CDC42EP4: variants seen among roughly 807,000 people sequenced by gnomAD.
The protein encoded by CDC42EP4 is CDC42 effector protein (Rho GTPase binding) 4.
CDC42EP4 carries 6 observed loss-of-function variants against 5.6 expected under a neutral mutation model. The observed-to-expected ratio is 1.07, with a 90% CI of 0.59 to 2.12. The LOEUF (loss-of-function observed/expected upper bound fraction) is 2.12. Among genes scored for constraint, CDC42EP4 ranks in the 30% most tolerant of loss-of-function variants. CDC42EP4 has a pLI of 0.00. For synonymous variants in CDC42EP4, 230 were observed against 224.2 expected (o/e 1.03, Z -0.23); for missense variants, 490 against 508.6 (o/e 0.96, Z 0.35).
At chr17:73,301,484 G>T (rs573382728) in intron 1 of CDC42EP4, among the ~76,000 whole-genome samples, 2 of 152,276 alleles carry the variant, frequency 1.3e-5, no homozygotes, top group East Asian at 3.9e-4. Flanking sequence ...GGATTGAATG[G>T]CTAGGTTGTT....
chr17:73,305,815 A>G (rs542106228), intron 1 of CDC42EP4, among the ~76,000 whole-genome samples: 38 of 152,338 alleles, frequency 2.5e-4, no homozygotes, highest in South Asian at 1.0e-3. Context: ...ACCTGAGAGC[A>G]CCTAATTCAA....
At chr17:73,305,060 C>A (rs1286213238) in intron 1 of CDC42EP4, among the ~76,000 whole-genome samples, 1 of 152,110 alleles carries the variant, frequency 6.6e-6, no homozygotes, top group Non-Finnish European at 1.5e-5. Flanking sequence ...CCCTCACCTC[C>A]TGGGAATTAG....
intron 1 of CDC42EP4, among the ~76,000 whole-genome samples, chr17:73,302,284 C>T (rs961725793): frequency 1.3e-5 from 2 of 152,142 alleles, no homozygotes; most frequent in Admixed American, 6.6e-5. Flanking sequence ...AATTTTGCCT[C>T]CTCCATTCCT....
chr17:73,285,115 T>G lies in CDC42EP4; in HGVS notation c.*315A>C. 3 of 205,134 alleles carry G rather than the reference T, an allele frequency of 1.5e-5. No individual in the cohort carries two copies. The highest frequency in any genetic ancestry group is 2.0e-5 in the Non-Finnish European group (2 of 102,262). 12.7% of individuals were successfully genotyped at this position (205,134 alleles called of 1,614,324 possible). A position where few individuals can be genotyped will look rare whatever the true frequency, so the allele number is the denominator to read the frequency against. ...AACTGGGGTTGGCATCTGGCATCCA[T>G]TTGAGGCCAGGGTGGAGGAAAGGGA... On this transcript the variant is annotated 3_prime_UTR_variant, in exon 2 of 2. Transcript: ENST00000335793. This position sits in a 1 kb window ranked among gnomAD's most constrained non-coding sequence, Gnocchi z 6.8.
intron 1 of CDC42EP4, among the ~76,000 whole-genome samples, chr17:73,288,902 A>C (rs1431102771): frequency 1.3e-5 from 2 of 152,340 alleles, no homozygotes; most frequent in East Asian, 1.9e-4. Flanking sequence ...GGCACCTGGC[A>C]GACTTGCCAC....
At chr17:73,292,869 C>T (rs1190316242) in intron 1 of CDC42EP4, among the ~76,000 whole-genome samples, 2 of 152,188 alleles carry the variant, frequency 1.3e-5, no homozygotes, top group Admixed American at 6.5e-5. Context: ...AGGCACCTGC[C>T]ATCATGCCCA....
rs539038788 is a variant in CDC42EP4 at position 73,300,168 on chromosome 17, A to C, written c.-113+11725T>G. ...AATCCATGCCAGGATCATTGATGCA[A>C]AGGTGCCACTGCACAGCCACCCTGG... On this transcript the variant is annotated intron_variant, in intron 1 of 1. Transcript: ENST00000335793. 9.6e-4 allele frequency among the ~76,000 whole-genome samples: 146 copies of C among 152,252 alleles called. 1 individual carries two copies. Among genetic ancestry groups the C allele is most frequent in the Non-Finnish European group, 1.7e-3 (115 of 68,006 alleles).
Position 73,285,952 on chromosome 17 carries a change from G to C in CDC42EP4, c.549C>G (p.Ala183=), listed in dbSNP as rs1302267744. The change falls in exon 2 of 2, where the codon GCC becomes GCG. Residue 183 remains alanine (A), a synonymous_variant. Transcript: ENST00000335793. The surrounding 1 kb of genome is among the most constrained non-coding windows in gnomAD (Gnocchi z 6.8). ...HSPDPLLDEQ[A]FGDLTDLPVV... ...CAGGCAGATCTGTCAGATCCCCAAAGGCCTGCTCATCGAGGAGGGGGTCAG... is the reference window on the plus strand; with the variant it reads ...CAGGCAGATCTGTCAGATCCCCAAACGCCTGCTCATCGAGGAGGGGGTCAG... 2 of 1,613,662 alleles carry C rather than the reference G, an allele frequency of 1.2e-6. No individual in the cohort carries two copies. The highest frequency in any genetic ancestry group is 2.7e-5 in the African/African-American group (2 of 74,920).
chr17:73,302,332 G>C (rs941864795), intron 1 of CDC42EP4, among the ~76,000 whole-genome samples: 2 of 152,092 alleles, frequency 1.3e-5, no homozygotes, highest in African/African-American at 4.8e-5. Flanking sequence ...CCAATATAAT[G>C]TTGAATAATA....
At position 73,286,057 on chromosome 17, in the gene CDC42EP4, A is replaced by G. The variant is rs2062131617; in HGVS notation, c.444T>C (p.Asn148=). The part of the protein sequence containing the change: ...SLSSSPVKKA[N]DGEGGDEEAG... Reference sequence around the variant, plus strand: ...CCTCCTCATCGCCGCCCTCCCCGTCATTGGCCTTCTTCACGGGGCTGGATG... The same window carrying G: ...CCTCCTCATCGCCGCCCTCCCCGTCGTTGGCCTTCTTCACGGGGCTGGATG... Residue 148 remains asparagine (N), a synonymous_variant, in exon 2 of 2, where the codon AAT becomes AAC. Transcript: ENST00000335793. The surrounding 1 kb of genome is among the most constrained non-coding windows in gnomAD (Gnocchi z 7.7). 6.2e-7 allele frequency: 1 copy of G among 1,613,828 alleles called. No individual in the cohort carries two copies. The highest frequency in any genetic ancestry group is 8.5e-7 in the Non-Finnish European group (1 of 1,179,990).
chr17:73,286,321 G>C lies in CDC42EP4; in HGVS notation c.180C>G (p.Pro60=), dbSNP rs1392826720. 17 of 1,614,184 alleles carry C rather than the reference G, an allele frequency of 1.1e-5. No homozygotes were observed. The highest frequency in any genetic ancestry group is 2.7e-5 in the African/African-American group (2 of 75,064). ...GCTGTTCGTCCAAGGACTCGCCGTC[G>C]GGCTCGCCAGCCTTGCTATTGAGGA... The part of the protein sequence containing the change: ...TSFLNSKAGE[P]DGESLDEQPS... The change falls in exon 2 of 2, where the codon CCC becomes CCG. Residue 60 remains proline, a synonymous_variant. Coordinates refer to ENST00000335793, the MANE Select transcript of CDC42EP4 (RefSeq NM_012121.5). This position sits in a 1 kb window ranked among gnomAD's most constrained non-coding sequence, Gnocchi z 7.7.
intron 1 of CDC42EP4, among the ~76,000 whole-genome samples, chr17:73,293,218 T>C (rs548031831): frequency 6.6e-6 from 1 of 152,250 alleles, no homozygotes; most frequent in East Asian, 1.9e-4. Flanking sequence ...AGGCGAGTGA[T>C]TCAATCTGTG....
intron 1 of CDC42EP4, among the ~76,000 whole-genome samples, chr17:73,299,808 C>G (rs1175233945): frequency 6.6e-6 from 1 of 152,070 alleles, no homozygotes; most frequent in Non-Finnish European, 1.5e-5. Context: ...TTACTGCCTC[C>G]CCCATTAAAG....
chr17:73,299,459 A>G (rs1430410713), intron 1 of CDC42EP4, among the ~76,000 whole-genome samples: 1 of 149,082 alleles, frequency 6.7e-6, no homozygotes, highest in Non-Finnish European at 1.5e-5. Context: ...ACACACACAC[A>G]CACACACACA....
At chr17:73,296,596 G>A (rs537499036) in intron 1 of CDC42EP4, among the ~76,000 whole-genome samples, 25 of 152,246 alleles carry the variant, frequency 1.6e-4, no homozygotes, top group South Asian at 6.2e-4. Context: ...GCATTAAATG[G>A]AAGTGCAAAC....
intron 1 of CDC42EP4, among the ~76,000 whole-genome samples, chr17:73,288,626 CA>C (rs1269502430): frequency 6.6e-6 from 1 of 152,038 alleles, no homozygotes; most frequent in Admixed American, 6.6e-5. Flanking sequence ...GGGTGTGACA[CA>C]TGGTCCGCCT....
At position 73,285,659 on chromosome 17, in the gene CDC42EP4, A is replaced by G; in HGVS notation, c.842T>C (p.Leu281Pro). ...PDLPSLPSHALEDEGWAAAAP... is the reference protein window; with the variant it reads ...PDLPSLPSHAPEDEGWAAAAP... ...CGCTGCTGCCCACCCCTCATCCTCCAGAGCATGGGAGGGGAGGGAGGGCAA... is the reference window on the plus strand; with the variant it reads ...CGCTGCTGCCCACCCCTCATCCTCCGGAGCATGGGAGGGGAGGGAGGGCAA... Residue 281 changes from leucine to proline, a missense_variant, in exon 2 of 2, where the codon CTG (leucine) becomes CCG (proline). Leu to Pro is a moderately conservative substitution (Grantham distance 98). Coordinates refer to ENST00000335793, the MANE Select transcript of CDC42EP4 (RefSeq NM_012121.5). This position sits in a 1 kb window ranked among gnomAD's most constrained non-coding sequence, Gnocchi z 6.8. 6.3e-7 allele frequency: 1 copy of G among 1,585,400 alleles called. No individual in the cohort carries two copies. The highest frequency in any genetic ancestry group is 1.3e-5 in the African/African-American group (1 of 74,598).
intron 1 of CDC42EP4, chr17:73,311,570 C>G (rs2062275458): frequency 6.6e-6 from 1 of 152,522 alleles, no homozygotes. Context: ...GCACCCTTGG[C>G]CAGGGCCGGG....
Position 73,285,379 on chromosome 17 carries a change from G to A in CDC42EP4, c.*51C>T. The A allele has an allele frequency of 1.4e-6, 2 of 1,413,870 alleles. No individual in the cohort carries two copies. Among genetic ancestry groups the A allele is most frequent in the South Asian group, 1.3e-5 (1 of 76,822 alleles). The allele number at this position is 1,413,870 out of a possible 1,614,324, so 87.6% of individuals were successfully genotyped here. On this transcript the variant is annotated 3_prime_UTR_variant, in exon 2 of 2. Transcript: ENST00000335793. The surrounding 1 kb of genome is among the most constrained non-coding windows in gnomAD (Gnocchi z 6.8). The stretch of plus-strand genomic sequence containing the variant: ...GGGTCAAAGGTCATAGTGGGGTGGG[G>A]GCAGGGAGAAGATGCAGCCAAGAGC...
Sources: allele counts gnomAD v4.1 joint callset (sites outside exome capture counted in the v4.1 genomes callset), GRCh38; gene constraint gnomAD v4.1.1; non-coding constraint Gnocchi (gnomAD v3.1); transcripts MANE v1.5; gene names NCBI Gene and HGNC (gene_info 2026-07-23, HGNC 2026-07-21).